RRBP1: variants seen among roughly 807,000 people sequenced by gnomAD.
The protein encoded by RRBP1 is ribosome binding protein 1.
In RRBP1, 94 loss-of-function variants were observed where a neutral mutation model predicts 165.2. The observed-to-expected ratio is 0.57, with a 90% CI of 0.48 to 0.68. The LOEUF is 0.68. RRBP1 is among the 30% of genes least tolerant of loss of function. The probability of loss-of-function intolerance (pLI) is 0.00; values close to 1 mark genes in which losing one functional copy is unlikely to be tolerated. For missense variants in RRBP1, 1,676 were observed against 1,763.0 expected, an observed-to-expected ratio of 0.95 and a Z score of 0.88; for synonymous variants, 680 against 714.5, an observed-to-expected ratio of 0.95 and a Z score of 0.77.
intron 24 of RRBP1, among the ~76,000 whole-genome samples, 194 bp downstream of exon 24, chr20:17,614,542 GC>G (rs981811916): frequency 1.3e-5 from 2 of 152,098 alleles, no homozygotes; most frequent in African/African-American, 4.8e-5. Flanking sequence ...TGGGTGGTGG[GC>G]CGGGTGGGCT....
chr20:17,656,929 G>A (rs1352772574), intron 3 of RRBP1, among the ~76,000 whole-genome samples: 5 of 152,174 alleles, frequency 3.3e-5, no homozygotes, highest in South Asian at 2.1e-4. Context: ...GAGGTCACAC[G>A]TAGGTCTCAT....
intron 3 of RRBP1, among the ~76,000 whole-genome samples, chr20:17,645,732 G>T (rs995560102): frequency 9.2e-5 from 14 of 152,234 alleles, no homozygotes; most frequent in African/African-American, 3.4e-4. Context: ...TAGGGCTCCA[G>T]CAAATACTCG....
intron 5 of RRBP1, among the ~76,000 whole-genome samples, chr20:17,638,827 T>C (rs966286938): frequency 6.6e-6 from 1 of 152,034 alleles, no homozygotes; most frequent in Non-Finnish European, 1.5e-5. Flanking sequence ...CTAGGAGTAG[T>C]GGGGCCCCTC....
chr20:17,630,018 G>A (rs1482831368), intron 8 of RRBP1, 57 bp from the exon 9 acceptor site: 61 of 1,551,134 alleles, frequency 3.9e-5, no homozygotes, highest in Middle Eastern at 3.4e-4. Flanking sequence ...GGCCCTCAGC[G>A]GCTCTGCGGT....
At chr20:17,631,066 A>T (rs2036141635) in intron 8 of RRBP1, among the ~76,000 whole-genome samples, 1 of 152,202 alleles carries the variant, frequency 6.6e-6, no homozygotes, top group Admixed American at 6.5e-5. Context: ...CAGCTTTAGG[A>T]TGGGCAGTGC....
At chr20:17,626,895 T>C (rs1054530581) in intron 11 of RRBP1, among the ~76,000 whole-genome samples, 7 of 152,228 alleles carry the variant, frequency 4.6e-5, no homozygotes, top group African/African-American at 1.7e-4. Context: ...GCTGAGACGC[T>C]GCCAGCTCTG....
intron 2 of RRBP1, among the ~76,000 whole-genome samples, chr20:17,665,110 G>GT (rs1030268882): frequency 8.1e-5 from 12 of 148,186 alleles, no homozygotes; most frequent in African/African-American, 2.9e-4. Context: ...ACATATATAT[G>GT]TGGGGGGGGG....
chr20:17,616,428 C>T (rs962224347), intron 21 of RRBP1, among the ~76,000 whole-genome samples: 11 of 152,178 alleles, frequency 7.2e-5, no homozygotes, highest in Non-Finnish European at 1.6e-4. Context: ...CAGTCCCCTT[C>T]GATGGCTGCA....
intron 1 of RRBP1, among the ~76,000 whole-genome samples, chr20:17,681,684 G>T (rs2037191880): frequency 6.7e-6 from 1 of 149,942 alleles, no homozygotes; most frequent in African/African-American, 2.4e-5. Flanking sequence ...ACTTCGGAGC[G>T]CGCTGGCCGG....
chr20:17,626,080 C>G (rs557488672), intron 11 of RRBP1, among the ~76,000 whole-genome samples: 1 of 152,344 alleles, frequency 6.6e-6, no homozygotes, highest in African/African-American at 2.4e-5. Flanking sequence ...TCTAGAATAT[C>G]TGGGGCTGAA....
intron 20 of RRBP1, 140 bp downstream of exon 20, chr20:17,618,456 C>T (rs998080841): frequency 1.4e-6 from 1 of 726,788 alleles, no homozygotes; most frequent in African/African-American, 1.7e-5. Flanking sequence ...AGAAGCCGGC[C>T]CCATGCTGCT....
chr20:17,674,265 A>T (rs2037032870), intron 2 of RRBP1, among the ~76,000 whole-genome samples: 1 of 152,118 alleles, frequency 6.6e-6, no homozygotes, highest in African/African-American at 2.4e-5. Flanking sequence ...GAAACAAAGG[A>T]TGGGGCTGGA....
intron 1 of RRBP1, among the ~76,000 whole-genome samples, chr20:17,680,627 G>A (rs574963780): frequency 1.3e-5 from 2 of 152,160 alleles, no homozygotes; most frequent in East Asian, 3.9e-4. Context: ...TGAGTGGGTG[G>A]TGCTGTCTTC....
intron 3 of RRBP1, among the ~76,000 whole-genome samples, chr20:17,647,335 T>C (rs1181386165): frequency 3.9e-5 from 6 of 152,216 alleles, no homozygotes; most frequent in African/African-American, 9.7e-5. Context: ...CTTTAAGGCA[T>C]TGGGCCAAGC....
At chr20:17,641,589 G>A (rs576240657) in intron 5 of RRBP1, 45 of 618,982 alleles carry the variant, frequency 7.3e-5, no homozygotes, top group East Asian at 2.8e-4. Context: ...CCACCACGCC[G>A]TAGAGCCACG....
In RRBP1 at chr20:17,658,857, C is replaced by G. The variant is rs751492770; in HGVS notation, c.1651G>C (p.Asp551His). The G allele has an allele frequency of 6.2e-7, 1 of 1,613,984 alleles. No individual in the cohort carries two copies. Among genetic ancestry groups the G allele is most frequent in the East Asian group, 2.2e-5 (1 of 44,890 alleles). ...TTTGTGCCCTGATTAGCAACCGAAT[C>G]TGCCTTTTTGCCCTGGATGGGAGCT... ...EGAPIQGKKA[D>H]SVANQGTKVE... Residue 551 changes from aspartate to histidine, a missense_variant, in exon 3 of 25, where the codon GAT becomes CAT. Asp to His is a moderately conservative substitution (Grantham distance 81). Transcript: ENST00000377813.
At chr20:17,620,634 G>A (rs1453688913) in intron 17 of RRBP1, 81 bp downstream of exon 17, 5 of 1,089,778 alleles carry the variant, frequency 4.6e-6, no homozygotes, top group Non-Finnish European at 4.1e-6. Flanking sequence ...GAGTCTCACA[G>A]GTGACAGAGA....
intron 2 of RRBP1, among the ~76,000 whole-genome samples, chr20:17,663,894 C>G (rs1302191757): frequency 6.6e-6 from 1 of 152,228 alleles, no homozygotes; most frequent in Non-Finnish European, 1.5e-5. Context: ...GATCTATATT[C>G]TGTCAATTCC....
At position 17,627,368 on chromosome 20, in the gene RRBP1, C is replaced by A. The variant is rs765919897; in HGVS notation, c.2943G>T (p.Glu981Asp). ...DAQDVQASQA[E>D]ADQQQTRLKE... ...CTTACCGAGTCTGCTGCTGGTCAGC[C>A]TCCGCCTGGCTGGCCTGGAATGAGA... Residue 981 changes from glutamate (E) to aspartate (D), a missense_variant, in exon 11 of 25, where the codon GAG (glutamate) becomes GAT (aspartate). Physicochemically the swap from Glu to Asp is conservative, Grantham distance 45. This residue lies in a region of RRBP1 where 1,184 missense variants were observed against 1,167.1 expected (regional missense o/e 1.01). Transcript: ENST00000377813. The A allele has an allele frequency of 1.9e-6, 3 of 1,613,910 alleles. No homozygotes were observed. Among genetic ancestry groups the A allele is most frequent in the South Asian group, 1.1e-5 (1 of 91,034 alleles).
Sources: allele counts gnomAD v4.1 joint callset (sites outside exome capture counted in the v4.1 genomes callset), GRCh38; gene constraint gnomAD v4.1.1; regional missense constraint gnomAD v4.1.1; transcripts MANE v1.5; gene names NCBI Gene and HGNC (gene_info 2026-07-23, HGNC 2026-07-21).